Variants in LRRC7 observed in about 807,000 individuals in gnomAD.
LRRC7 encodes leucine-rich repeat-containing protein 7.
LRRC7 carries 23 observed loss-of-function variants against 175.7 expected under a neutral mutation model. The ratio of observed to expected loss-of-function variants is 0.13; its 90% CI spans 0.09 to 0.19. The LOEUF (loss-of-function observed/expected upper bound fraction) is 0.19, where lower values mean the gene tolerates loss of function less well. LRRC7 is among the 10% of genes least tolerant of loss of function. LRRC7 has a pLI of 1.00. For synonymous variants in LRRC7, 685 were observed against 680.9 expected (o/e 1.01, Z -0.09); for missense variants, 1,354 against 1,904.7 (o/e 0.71, Z 5.38).
intron 2 of LRRC7, among the ~76,000 whole-genome samples, chr1:69,686,431 T>A (rs6680513): frequency 6.6e-6 from 1 of 152,032 alleles, no homozygotes; most frequent in East Asian, 1.9e-4. Flanking sequence ...TGTATGTAGA[T>A]GAAATAAGTC....
intron 26 of LRRC7, among the ~76,000 whole-genome samples, chr1:70,109,045 G>A (rs1439658848): frequency 6.6e-6 from 1 of 152,068 alleles, no homozygotes; most frequent in Non-Finnish European, 1.5e-5. Context: ...TTTTGAGACA[G>A]CCTTTCACTC....
At chr1:70,027,269 T>C (rs1171754623) in intron 17 of LRRC7, among the ~76,000 whole-genome samples, 1 of 152,152 alleles carries the variant, frequency 6.6e-6, no homozygotes, top group Non-Finnish European at 1.5e-5. Context: ...CATGCACAAC[T>C]TGTACTTATT....
At chr1:70,057,563 A>G (rs764640389) in intron 23 of LRRC7, among the ~76,000 whole-genome samples, 1 of 152,210 alleles carries the variant, frequency 6.6e-6, no homozygotes, top group Non-Finnish European at 1.5e-5. Flanking sequence ...GCCAGTGTCC[A>G]ATTTGAGTCT....
chr1:70,012,858 C>T (rs1656635948), intron 12 of LRRC7, 116 bp from the exon 13 acceptor site: 1 of 430,630 alleles, frequency 2.3e-6, no homozygotes, highest in Non-Finnish European at 4.1e-6. Flanking sequence ...AAACAATGCA[C>T]ATGTTAAAAG....
chr1:69,569,590 C>T (rs542767061), intron 1 of LRRC7, among the ~76,000 whole-genome samples: 2 of 148,468 alleles, frequency 1.3e-5, no homozygotes, highest in East Asian at 2.0e-4. Context: ...AGAATGGGGG[C>T]GGGGGTTGGG....
At chr1:69,979,652 C>T (rs978049896) in intron 8 of LRRC7, among the ~76,000 whole-genome samples, 5 of 151,924 alleles carry the variant, frequency 3.3e-5, no homozygotes, top group African/African-American at 4.8e-5. Context: ...AGGCATGTAC[C>T]GCATTGTACA....
chr1:70,068,554 T>C (rs1266947269), intron 23 of LRRC7, among the ~76,000 whole-genome samples: 1 of 152,156 alleles, frequency 6.6e-6, no homozygotes, highest in Non-Finnish European at 1.5e-5. Context: ...TATTGGTTTA[T>C]AGTGGTTTTT....
intron 15 of LRRC7, among the ~76,000 whole-genome samples, chr1:70,019,595 AT>A (rs1657271873): frequency 6.6e-6 from 1 of 151,930 alleles, no homozygotes; most frequent in East Asian, 1.9e-4. Context: ...AAAAGAAACC[AT>A]TTGTTTATGT....
In LRRC7 at chr1:70,023,244, T is replaced by G. The variant is rs771391360; in HGVS notation, c.1664T>G (p.Met555Arg). The change falls in exon 17 of 27, where the codon ATG (methionine) becomes AGG (arginine). Residue 555 changes from methionine (M) to arginine (R), a missense_variant. This residue lies in a region of LRRC7 where 1,032 missense variants were observed against 1,227.2 expected (regional missense o/e 0.84). Transcript: ENST00000651989. ...AGGTGTGATCAGCAGATCCAAGATA[T>G]GCCCGTCCCCCAGAATGACCCACAG... is the stretch of plus-strand genomic sequence containing the variant. ...WARCDQQIQD[M>R]PVPQNDPQLA... 1.9e-6 allele frequency: 3 copies of G among 1,613,004 alleles called. No individual in the cohort carries two copies. The South Asian group carries it at 3.3e-5, about 18-fold the overall frequency.
intron 8 of LRRC7, among the ~76,000 whole-genome samples, chr1:69,957,880 G>A (rs1252525591): frequency 6.6e-6 from 1 of 151,798 alleles, no homozygotes; most frequent in African/African-American, 2.4e-5. Context: ...ATCTAAATTG[G>A]AAAAATTATT....
chr1:69,820,568 G>A (rs1448153643), intron 4 of LRRC7, among the ~76,000 whole-genome samples: 1 of 152,022 alleles, frequency 6.6e-6, no homozygotes, highest in Non-Finnish European at 1.5e-5. Flanking sequence ...GTGTCCATGT[G>A]TTCTCATTGT....
chr1:69,851,324 A>G (rs892758785), intron 7 of LRRC7, among the ~76,000 whole-genome samples: 3 of 152,172 alleles, frequency 2.0e-5, no homozygotes, highest in Admixed American at 6.6e-5. Context: ...GCAGCAGTGC[A>G]GATGTCAGTA....
chr1:69,806,722 T>C (rs1677159229), intron 4 of LRRC7, among the ~76,000 whole-genome samples: 1 of 152,004 alleles, frequency 6.6e-6, no homozygotes, highest in Non-Finnish European at 1.5e-5. Context: ...ATTTAATATA[T>C]CTGTGTTGAC....
intron 24 of LRRC7, among the ~76,000 whole-genome samples, chr1:70,083,427 A>G (rs528048630): frequency 6.6e-6 from 1 of 152,308 alleles, no homozygotes; most frequent in Non-Finnish European, 1.5e-5. Context: ...TAAAACCAGG[A>G]GCTAAAAGTA....
At chr1:69,971,032 A>G (rs2101867074) in intron 8 of LRRC7, among the ~76,000 whole-genome samples, 1 of 152,284 alleles carries the variant, frequency 6.6e-6, no homozygotes, top group East Asian at 1.9e-4. Context: ...CAAAAATCAC[A>G]TATCATCTTA....
At chr1:70,042,417 A>C (rs17131150) in intron 21 of LRRC7, among the ~76,000 whole-genome samples, 1 of 152,174 alleles carries the variant, frequency 6.6e-6, no homozygotes, top group Non-Finnish European at 1.5e-5. Context: ...AGAAATTACA[A>C]GATCTCTGTC....
chr1:70,086,841 C>A (rs1663649096), intron 24 of LRRC7, among the ~76,000 whole-genome samples: 1 of 152,166 alleles, frequency 6.6e-6, no homozygotes, highest in African/African-American at 2.4e-5. Context: ...CACTGCATTT[C>A]CTCTTTGCTG....
At chr1:69,584,957 T>A (rs1489270593) in intron 1 of LRRC7, among the ~76,000 whole-genome samples, 1 of 152,154 alleles carries the variant, frequency 6.6e-6, no homozygotes, top group Non-Finnish European at 1.5e-5. Flanking sequence ...TTCAACTCAG[T>A]GATCACTTCC....
At chr1:69,574,100 TTG>T (rs1328538666) in intron 1 of LRRC7, among the ~76,000 whole-genome samples, 2 of 152,052 alleles carry the variant, frequency 1.3e-5, no homozygotes, top group Admixed American at 6.6e-5. Context: ...TCTAGGATAC[TTG>T]TGTGTGTGGC....
Sources: allele counts gnomAD v4.1 joint callset (sites outside exome capture counted in the v4.1 genomes callset), GRCh38; gene constraint gnomAD v4.1.1; regional missense constraint gnomAD v4.1.1; transcripts MANE v1.5; gene names NCBI Gene and HGNC (gene_info 2026-07-23, HGNC 2026-07-21).